PRKN: variants seen among roughly 807,000 people sequenced by gnomAD.
PRKN encodes parkin RBR E3 ubiquitin protein ligase.
PRKN carries 56 observed loss-of-function variants against 59.5 expected under a neutral mutation model. That is an observed-to-expected ratio of 0.94 (90% CI 0.76 to 1.18). The LOEUF is 1.18. Ranked by LOEUF, PRKN falls within the 50% of genes most tolerant of loss-of-function variation. The pLI is 0.00. For synonymous variants in PRKN, 250 were observed against 222.1 expected (o/e 1.13, Z -1.12); for missense variants, 657 against 596.4 (o/e 1.10, Z -1.06).
chr6:161,570,209 AT>A (rs1780835951), intron 7 of PRKN, among the ~76,000 whole-genome samples: 1 of 139,500 alleles, frequency 7.2e-6, no homozygotes, highest in African/African-American at 2.8e-5. Flanking sequence ...TGTATAAAAT[AT>A]TATATAATTA....
rs951964555 is a variant in PRKN, at chr6:161,442,786, G to A, written c.1084-55909C>T. Among the ~76,000 whole-genome samples the A allele has an allele frequency of 5.3e-5, 8 of 152,200 alleles. No homozygotes were observed. The highest frequency in any genetic ancestry group is 2.0e-4 in the Admixed American group (3 of 15,276). ...AACAGCTTACCGAGAGCCTCTGCCA[G>A]GAAGCAAAAGAGAGGTTCTCTTCCC... On this transcript the variant is annotated intron_variant, in intron 9 of 11. Coordinates refer to ENST00000366898, the MANE Select transcript of PRKN (RefSeq NM_004562.3). The surrounding 1 kb of genome is among the most constrained non-coding windows in gnomAD (Gnocchi z 4.6).
At chr6:162,571,944 A>ATAATAAAGCTCT (rs1780346481) in intron 1 of PRKN, among the ~76,000 whole-genome samples, 3 of 152,178 alleles carry the variant, frequency 2.0e-5, no homozygotes, top group Admixed American at 6.5e-5. Context: ...TAATAAAGGT[A>ATAATAAAGCTCT]CAGATGACCT....
intron 1 of PRKN, among the ~76,000 whole-genome samples, chr6:162,719,413 A>G (rs1196476963): frequency 6.6e-6 from 1 of 152,080 alleles, no homozygotes; most frequent in Non-Finnish European, 1.5e-5. Flanking sequence ...TCGAATTTCA[A>G]GGGTGGAGAG....
chr6:162,665,446 G>A (rs1363443194), intron 1 of PRKN, among the ~76,000 whole-genome samples: 2 of 151,856 alleles, frequency 1.3e-5, no homozygotes. Flanking sequence ...GCTACAAAGA[G>A]AATAAAATAC....
rs749892002 is a variant in PRKN, at chr6:162,479,757, G to GTTTT, written c.8-36288_8-36285dup. ...GCCTGAGGCTGTTTTACAGTTATCTGTTTTTTTTTCTCAAAAATAATTAGT... is the reference window on the plus strand; with the variant it reads ...GCCTGAGGCTGTTTTACAGTTATCTGTTTTTTTTTTTTTCTCAAAAATAATTAGT... On this transcript the variant is annotated intron_variant, in intron 1 of 11. Coordinates refer to ENST00000366898, the MANE Select transcript of PRKN (RefSeq NM_004562.3). Among the ~76,000 whole-genome samples, 310 of 148,588 alleles carry GTTTT rather than the reference G, an allele frequency of 2.1e-3. 3 individuals are homozygous for GTTTT. The highest frequency in any genetic ancestry group is 0.014 in the Middle Eastern group (4 of 286).
intron 3 of PRKN, among the ~76,000 whole-genome samples, chr6:162,223,654 CACACACAAA>C (rs1455776629): frequency 1.1e-5 from 1 of 92,418 alleles, no homozygotes; most frequent in Admixed American, 1.0e-4. Flanking sequence ...CACACACACA[CACACACAAA>C]CATAATGCTC....
chr6:162,309,015 CT>C (rs1035657871), intron 2 of PRKN, among the ~76,000 whole-genome samples: 1 of 152,086 alleles, frequency 6.6e-6, no homozygotes, highest in African/African-American at 2.4e-5. Flanking sequence ...AGTCAGGTAT[CT>C]TGAAAGATCA....
chr6:162,291,981 G>C (rs1488272156), intron 2 of PRKN, among the ~76,000 whole-genome samples: 1 of 125,686 alleles, frequency 8.0e-6, no homozygotes. Flanking sequence ...TTTTTTTTCT[G>C]AGACGGACTT....
intron 6 of PRKN, among the ~76,000 whole-genome samples, chr6:161,926,120 A>C (rs1007101951): frequency 6.6e-6 from 1 of 152,184 alleles, no homozygotes; most frequent in Non-Finnish European, 1.5e-5. Flanking sequence ...AAAGTTACGG[A>C]GAGTCTACCT....
chr6:161,740,390 G>A (rs1220074911), intron 7 of PRKN, among the ~76,000 whole-genome samples: 5 of 152,102 alleles, frequency 3.3e-5, no homozygotes, highest in Non-Finnish European at 7.4e-5. Context: ...TCCACAGCTC[G>A]TTACTGCTAC....
At chr6:161,490,218 A>G (rs1204150496) in intron 9 of PRKN, among the ~76,000 whole-genome samples, 1 of 152,180 alleles carries the variant, frequency 6.6e-6, no homozygotes, top group East Asian at 1.9e-4. Context: ...CCAGGTGTGG[A>G]GAGCCATCTT....
chr6:161,770,459 T>C (rs1054801717), intron 7 of PRKN, among the ~76,000 whole-genome samples: 35 of 67,090 alleles, frequency 5.2e-4, no homozygotes, highest in African/African-American at 1.6e-3. Flanking sequence ...AGCCTTTATT[T>C]ATTTATTTAT....
chr6:161,903,436 A>G (rs1459903814), intron 6 of PRKN, among the ~76,000 whole-genome samples: 4 of 152,200 alleles, frequency 2.6e-5, no homozygotes, highest in Non-Finnish European at 4.4e-5. Flanking sequence ...ACAGAAGTCA[A>G]ACTTCGCGAA....
At chr6:161,903,370 T>C (rs34461600) in intron 6 of PRKN, among the ~76,000 whole-genome samples, 2,408 of 152,206 alleles carry the variant, frequency 0.016, 34 homozygotes, top group Non-Finnish European at 0.025. Flanking sequence ...CTTTCACCAA[T>C]TGTTGGATGA....
At chr6:162,220,079 G>T (rs567931430) in intron 3 of PRKN, among the ~76,000 whole-genome samples, 1 of 152,200 alleles carries the variant, frequency 6.6e-6, no homozygotes, top group South Asian at 2.1e-4. Context: ...ACAGAAGAAT[G>T]AAATTCAAGA....
chr6:161,571,066 G>C (rs1384970650), intron 7 of PRKN, among the ~76,000 whole-genome samples: 1 of 151,976 alleles, frequency 6.6e-6, no homozygotes, highest in African/African-American at 2.4e-5. Flanking sequence ...TGAGTAGCTG[G>C]GACTACAGGT....
Position 161,467,752 on chromosome 6 carries a change from T to C in PRKN, c.1084-80875A>G, listed in dbSNP as rs2115183318. ...ACCAACTATGTGCCCAGCAAAATTC[T>C]ACTTTTCCAGCCTTGCTTGCATTAG... is the stretch of plus-strand genomic sequence containing the variant. On this transcript the variant is annotated intron_variant, in intron 9 of 11. Transcript: ENST00000366898. The surrounding 1 kb of genome is among the most constrained non-coding windows in gnomAD (Gnocchi z 4.3). Among the ~76,000 whole-genome samples the C allele has an allele frequency of 6.6e-6, 1 of 152,270 alleles. No homozygotes were observed. The highest frequency in any genetic ancestry group is 2.4e-5 in the African/African-American group (1 of 41,566).
chr6:162,185,956 G>C (rs139525708), intron 4 of PRKN, among the ~76,000 whole-genome samples: 290 of 152,136 alleles, frequency 1.9e-3, no homozygotes, highest in African/African-American at 6.7e-3. Flanking sequence ...GTAGCAGAAG[G>C]AGAAAATCTT....
chr6:162,519,234 T>A (rs1399225876), intron 1 of PRKN, among the ~76,000 whole-genome samples: 1 of 152,166 alleles, frequency 6.6e-6, no homozygotes, highest in African/African-American at 2.4e-5. Flanking sequence ...AAGTGACTCA[T>A]TTAAAATACG....
Sources: allele counts gnomAD v4.1 joint callset (sites outside exome capture counted in the v4.1 genomes callset), GRCh38; gene constraint gnomAD v4.1.1; non-coding constraint Gnocchi (gnomAD v3.1); transcripts MANE v1.5; gene names NCBI Gene and HGNC (gene_info 2026-07-23, HGNC 2026-07-21).